The following ST8SIA6 variants were observed in gnomAD, a reference collection of about 807,000 sequenced individuals.
ST8SIA6 encodes the protein ST8 alpha-N-acetyl-neuraminide alpha-2,8-sialyltransferase 6, also known as alpha-2,8-sialyltransferase 8F.
In ST8SIA6, 39 loss-of-function variants were observed where a neutral mutation model predicts 33.6. The observed-to-expected ratio is 1.16, with a 90% confidence interval of 0.90 to 1.52. ST8SIA6 has a LOEUF of 1.52. Ranked by LOEUF, ST8SIA6 falls within the 40% of genes most tolerant of loss-of-function variation. ST8SIA6 has a pLI of 0.00. For missense variants in ST8SIA6, 441 were observed against 443.8 expected (o/e 0.99, Z 0.06); for synonymous variants, 172 against 167.2 (o/e 1.03, Z -0.22).
At chr10:17,336,668 A>C (rs2131592081) in intron 4 of ST8SIA6, among the ~76,000 whole-genome samples, 1 of 146,120 alleles carries the variant, frequency 6.8e-6, no homozygotes, top group African/African-American at 2.5e-5. Context: ...ATCTCAGCTC[A>C]CTGCAACTTC....
At chr10:17,366,371 G>A (rs1334939475) in intron 3 of ST8SIA6, among the ~76,000 whole-genome samples, 1 of 151,646 alleles carries the variant, frequency 6.6e-6, no homozygotes, top group Non-Finnish European at 1.5e-5. Flanking sequence ...AGATGCCAAT[G>A]TACTTCTTCA....
rs904745216 is a variant in ST8SIA6, at chr10:17,317,461, A to G, written c.*3417T>C. Among the ~76,000 whole-genome samples, 5 of 152,196 alleles carry G rather than the reference A, an allele frequency of 3.3e-5. No homozygotes were observed. The highest frequency in any genetic ancestry group is 5.9e-5 in the Non-Finnish European group (4 of 68,028). ...ATTTATCAGATCAAGTGCATCAGAT[A>G]TATCAGATGAATTCCTACAATGCCT... is the stretch of plus-strand genomic sequence containing the variant. On this transcript the variant is annotated 3_prime_UTR_variant, in exon 8 of 8. Coordinates refer to ENST00000377602, the MANE Select transcript of ST8SIA6 (RefSeq NM_001004470.3).
In ST8SIA6 at chr10:17,436,983, G is replaced by A. The variant is rs531233542; in HGVS notation, c.200+16576C>T. On this transcript the variant is annotated intron_variant, in intron 2 of 7. Coordinates refer to ENST00000377602, the MANE Select transcript of ST8SIA6 (RefSeq NM_001004470.3). ...TTTCTTTTGTAAATTGCTCAGTCTC[G>A]GGTACGTCTTTATCAGCAGCGTGAA... Among the ~76,000 whole-genome samples the A allele has an allele frequency of 2.0e-5, 3 of 152,178 alleles. No individual in the cohort carries two copies. In the East Asian group the frequency reaches 5.8e-4, roughly 29 times the overall value.
rs139085488 is a variant in ST8SIA6 at position 17,407,202 on chromosome 10, T to C, written c.201-16582A>G. Among the ~76,000 whole-genome samples, 69 of 152,302 alleles carry C rather than the reference T, an allele frequency of 4.5e-4. 2 individuals carry two copies. The East Asian group carries it at 0.013, about 28-fold the overall frequency. On this transcript the variant is annotated intron_variant, in intron 2 of 7. Coordinates refer to ENST00000377602, the MANE Select transcript of ST8SIA6 (RefSeq NM_001004470.3). The stretch of plus-strand genomic sequence containing the variant: ...GCTGCTAAATGCTATAACTTAGCCT[T>C]CACTAGCTTCCCTATAAATAACACT...
intron 2 of ST8SIA6, among the ~76,000 whole-genome samples, chr10:17,448,867 A>G (rs566044201): frequency 3.5e-5 from 5 of 144,624 alleles, no homozygotes; most frequent in African/African-American, 1.3e-4. Context: ...TGATCCACCC[A>G]TCTCGGCCTC....
At chr10:17,360,653 A>G (rs1431368091) in intron 3 of ST8SIA6, among the ~76,000 whole-genome samples, 1 of 152,060 alleles carries the variant, frequency 6.6e-6, no homozygotes, top group Non-Finnish European at 1.5e-5. Context: ...CAATAAGAAA[A>G]AGATGAACAC....
At chr10:17,395,753 C>T (rs538548971) in intron 2 of ST8SIA6, among the ~76,000 whole-genome samples, 22 of 152,044 alleles carry the variant, frequency 1.4e-4, no homozygotes, top group Non-Finnish European at 2.8e-4. Context: ...TGTGGTGGCA[C>T]GTGCCTGTAA....
intron 4 of ST8SIA6, among the ~76,000 whole-genome samples, chr10:17,354,433 AG>A (rs1849130147): frequency 6.6e-6 from 1 of 152,150 alleles, no homozygotes; most frequent in Non-Finnish European, 1.5e-5. Context: ...GACCTCTTAT[AG>A]GAGAATCAAT....
intron 3 of ST8SIA6, among the ~76,000 whole-genome samples, chr10:17,386,199 A>G (rs12098794): frequency 0.012 from 1,830 of 150,924 alleles, 17 homozygotes; most frequent in Middle Eastern, 0.031. Context: ...ACACACACAC[A>G]CATACACACA....
intron 2 of ST8SIA6, among the ~76,000 whole-genome samples, chr10:17,403,956 T>C (rs1851146992): frequency 6.6e-6 from 1 of 151,440 alleles, no homozygotes; most frequent in Non-Finnish European, 1.5e-5. Flanking sequence ...TCTCAGCTAC[T>C]TGGGAGGCTG....
chr10:17,333,690 TATATATA>T lies in ST8SIA6; in HGVS notation c.378-2145_378-2139del, dbSNP rs1848381331. Among the ~76,000 whole-genome samples, 5 of 39,168 alleles carry T rather than the reference TATATATA, an allele frequency of 1.3e-4. 1 individual carries two copies. Among genetic ancestry groups the T allele is most frequent in the South Asian group, 1.1e-3 (1 of 894 alleles). 25.7% of individuals were successfully genotyped at this position (39,168 alleles called of 152,430 possible). A position where few individuals can be genotyped will look rare whatever the true frequency, so the allele number is the denominator to read the frequency against. On this transcript the variant is annotated intron_variant, in intron 4 of 7. Coordinates refer to ENST00000377602, the MANE Select transcript of ST8SIA6 (RefSeq NM_001004470.3). ...GTGCTGGGATATATATATATATATA[TATATATA>T]TATATATATATATATATATATTTTT...
chr10:17,391,840 A>G (rs1284305644), intron 2 of ST8SIA6, among the ~76,000 whole-genome samples: 1 of 152,222 alleles, frequency 6.6e-6, no homozygotes, highest in Non-Finnish European at 1.5e-5. Flanking sequence ...ATAGACTTCC[A>G]TATTTCTAAA....
intron 4 of ST8SIA6, among the ~76,000 whole-genome samples, chr10:17,354,978 C>T (rs893110889): frequency 6.6e-6 from 1 of 152,116 alleles, no homozygotes; most frequent in Admixed American, 6.6e-5. Context: ...GCCAAGCTGC[C>T]AAGTTCTCAG....
intron 4 of ST8SIA6, among the ~76,000 whole-genome samples, chr10:17,359,063 A>G (rs1332863240): frequency 6.6e-6 from 1 of 152,168 alleles, no homozygotes; most frequent in East Asian, 1.9e-4. Context: ...TACTTAAAGC[A>G]ACTCACGCCC....
chr10:17,370,909 A>G (rs12255590), intron 3 of ST8SIA6, among the ~76,000 whole-genome samples: 27,525 of 152,124 alleles, frequency 0.18, 2,635 homozygotes, highest in South Asian at 0.22. Flanking sequence ...GGATCCCCCT[A>G]CCTACTTTGT....
At chr10:17,337,110 G>C (rs184121840) in intron 4 of ST8SIA6, among the ~76,000 whole-genome samples, 305 of 151,828 alleles carry the variant, frequency 2.0e-3, no homozygotes, top group African/African-American at 7.2e-3. Flanking sequence ...GAGTTCTCAC[G>C]AGATCTGGTT....
Position 17,318,701 on chromosome 10 carries a change from G to T in ST8SIA6, c.*2177C>A, listed in dbSNP as rs982950186. The T allele has an allele frequency of 4.2e-6, 2 of 471,048 alleles. No individual in the cohort carries two copies. 29.2% of individuals were successfully genotyped at this position (471,048 alleles called of 1,614,324 possible). On this transcript the variant is annotated 3_prime_UTR_variant, in exon 8 of 8. Coordinates refer to ENST00000377602, the MANE Select transcript of ST8SIA6 (RefSeq NM_001004470.3). ...TTGTGGCGAATCTACAAATCTACAA[G>T]ATGGAGTTTATAGTTTTTCTTTTTG...
chr10:17,373,550 A>ATTT (rs1374051295), intron 3 of ST8SIA6, among the ~76,000 whole-genome samples: 3 of 152,150 alleles, frequency 2.0e-5, no homozygotes, highest in African/African-American at 7.2e-5. Flanking sequence ...GATACTGCCA[A>ATTT]TAAAGCCCTC....
intron 2 of ST8SIA6, among the ~76,000 whole-genome samples, chr10:17,450,504 G>C (rs1327380172): frequency 6.6e-6 from 1 of 152,096 alleles, no homozygotes; most frequent in Non-Finnish European, 1.5e-5. Context: ...GCAGTGTCAT[G>C]ATCTTGGCTC....
Sources: allele counts gnomAD v4.1 joint callset (sites outside exome capture counted in the v4.1 genomes callset), GRCh38; gene constraint gnomAD v4.1.1; transcripts MANE v1.5; gene names NCBI Gene and HGNC (gene_info 2026-07-23, HGNC 2026-07-21).